Variants in PLEKHM3 observed in about 807,000 individuals in gnomAD.
PLEKHM3 encodes pleckstrin homology domain-containing family M member 3.
In PLEKHM3, 45 loss-of-function variants were observed where a neutral mutation model predicts 81.8. That is an observed-to-expected ratio of 0.55 (90% CI 0.43 to 0.71). The LOEUF (loss-of-function observed/expected upper bound fraction) is 0.71, where lower values mean the gene tolerates loss of function less well. PLEKHM3 is among the 30% of genes least tolerant of loss of function. The pLI is 0.00. For synonymous variants in PLEKHM3, 352 were observed against 356.4 expected, an observed-to-expected ratio of 0.99 and a Z score of 0.14; for missense variants, 788 against 924.3, an observed-to-expected ratio of 0.85 and a Z score of 1.91.
chr2:207,898,479 C>A (rs547212555), intron 6 of PLEKHM3, among the ~76,000 whole-genome samples: 1 of 152,148 alleles, frequency 6.6e-6, no homozygotes, highest in South Asian at 2.1e-4. Flanking sequence ...ATGGACCAGG[C>A]GTGCTGGCTC....
At chr2:207,874,344 G>A (rs1053891037) in intron 6 of PLEKHM3, among the ~76,000 whole-genome samples, 9 of 152,126 alleles carry the variant, frequency 5.9e-5, no homozygotes, top group Non-Finnish European at 8.8e-5. Flanking sequence ...GGAGGCCGAG[G>A]TGGGCGGATC....
At chr2:207,982,022 C>T (rs1273738314) in intron 2 of PLEKHM3, among the ~76,000 whole-genome samples, 1 of 152,150 alleles carries the variant, frequency 6.6e-6, no homozygotes, top group African/African-American at 2.4e-5. Flanking sequence ...CCTTCTCTTC[C>T]TCCTCAGCCT....
Position 207,840,595 on chromosome 2 carries a change from C to T in PLEKHM3, c.2109-12099G>A, listed in dbSNP as rs1027061795. Among the ~76,000 whole-genome samples the T allele has an allele frequency of 1.6e-4, 24 of 152,190 alleles. 2 individuals carry two copies. The highest frequency in any genetic ancestry group is 4.3e-4 in the African/African-American group (18 of 41,518). The stretch of plus-strand genomic sequence containing the variant: ...GCTTTAATTGTAATATGGAGTTGTT[C>T]ATGTAGTTTTTGGCCATTTGCATAT... On this transcript the variant is annotated intron_variant, in intron 7 of 7. Transcript: ENST00000427836.
intron 2 of PLEKHM3, among the ~76,000 whole-genome samples, chr2:207,992,579 T>C (rs893582053): frequency 1.3e-5 from 2 of 152,148 alleles, no homozygotes; most frequent in African/African-American, 4.8e-5. Flanking sequence ...CAACCTTCCA[T>C]GTGTTCATGC....
intron 5 of PLEKHM3, among the ~76,000 whole-genome samples, chr2:207,916,148 G>A (rs1311530453): frequency 6.6e-6 from 1 of 152,154 alleles, no homozygotes; most frequent in Non-Finnish European, 1.5e-5. Flanking sequence ...AATCTCATTG[G>A]CTGAAAAAAT....
At chr2:207,933,785 G>A (rs946758138) in intron 4 of PLEKHM3, among the ~76,000 whole-genome samples, 1 of 152,190 alleles carries the variant, frequency 6.6e-6, no homozygotes, top group Non-Finnish European at 1.5e-5. Flanking sequence ...CAACCATGTC[G>A]GAGGCGCTGC....
intron 6 of PLEKHM3, among the ~76,000 whole-genome samples, chr2:207,894,671 T>A (rs1688164136): frequency 6.6e-6 from 1 of 152,176 alleles, no homozygotes; most frequent in Non-Finnish European, 1.5e-5. Context: ...AATTTAGTGG[T>A]TCAGAGTGTG....
At chr2:207,957,275 A>G (rs1463110818) in intron 3 of PLEKHM3, among the ~76,000 whole-genome samples, 5 of 152,214 alleles carry the variant, frequency 3.3e-5, no homozygotes, top group Non-Finnish European at 7.3e-5. Context: ...TTTGAATTGT[A>G]TATTCTGTTA....
chr2:208,007,551 A>T (rs1166425542), intron 1 of PLEKHM3, among the ~76,000 whole-genome samples: 1 of 152,222 alleles, frequency 6.6e-6, no homozygotes, highest in Non-Finnish European at 1.5e-5. Flanking sequence ...AGCAAACATT[A>T]AATTGCTACA....
chr2:207,960,690 G>A (rs1269632633), intron 3 of PLEKHM3, among the ~76,000 whole-genome samples: 3 of 152,138 alleles, frequency 2.0e-5, no homozygotes, highest in Non-Finnish European at 4.4e-5. Context: ...CATGTTGGTG[G>A]GTGACATTAT....
intron 4 of PLEKHM3, 87 bp downstream of exon 4, chr2:207,946,280 T>C (rs1574431307): frequency 6.9e-7 from 1 of 1,444,618 alleles, no homozygotes; most frequent in African/African-American, 1.4e-5. Context: ...CTGCTTCAAA[T>C]TGTTTGATCA....
chr2:208,022,215 A>T (rs1222576525), intron 1 of PLEKHM3, among the ~76,000 whole-genome samples: 1 of 152,200 alleles, frequency 6.6e-6, no homozygotes, highest in Non-Finnish European at 1.5e-5. Context: ...TTGAAAATTT[A>T]TGTTAATTTG....
intron 3 of PLEKHM3, among the ~76,000 whole-genome samples, chr2:207,964,712 G>C (rs1690855012): frequency 6.6e-6 from 1 of 152,068 alleles, no homozygotes; most frequent in South Asian, 2.1e-4. Context: ...TTTCAGGCTT[G>C]CTCCATTTTT....
intron 3 of PLEKHM3, among the ~76,000 whole-genome samples, chr2:207,957,353 C>T (rs1269276834): frequency 6.6e-6 from 1 of 152,134 alleles, no homozygotes; most frequent in East Asian, 1.9e-4. Context: ...ATTTTTATAA[C>T]CTACTACTTT....
At chr2:207,946,843 C>T (rs1365832313) in intron 3 of PLEKHM3, among the ~76,000 whole-genome samples, 1 of 152,228 alleles carries the variant, frequency 6.6e-6, no homozygotes, top group Non-Finnish European at 1.5e-5. Context: ...CTGCTCAGAA[C>T]TCCATTTCCA....
chr2:207,865,801 A>ATATATAT (rs1192139812), intron 6 of PLEKHM3, among the ~76,000 whole-genome samples: 5 of 25,286 alleles, frequency 2.0e-4, no homozygotes, highest in East Asian at 1.1e-3. Context: ...AAAAAAAAAA[A>ATATATAT]AGATATATAT....
intron 7 of PLEKHM3, among the ~76,000 whole-genome samples, chr2:207,835,486 C>T (rs1047625738): frequency 3.3e-5 from 5 of 151,920 alleles, no homozygotes; most frequent in Non-Finnish European, 7.4e-5. Context: ...ATTTGGGGGC[C>T]GGGGGAGCTA....
chr2:208,000,018 G>A (rs1692243556), intron 2 of PLEKHM3, among the ~76,000 whole-genome samples: 1 of 152,194 alleles, frequency 6.6e-6, no homozygotes, highest in South Asian at 2.1e-4. Flanking sequence ...TTGATAGCCT[G>A]TATAAATGAG....
intron 5 of PLEKHM3, among the ~76,000 whole-genome samples, chr2:207,927,829 CAAAA>C (rs1689453568): frequency 6.6e-6 from 1 of 152,046 alleles, no homozygotes; most frequent in African/African-American, 2.4e-5. Flanking sequence ...AACTCCGTCT[CAAAA>C]AGAAAAGAAA....
Sources: gnomAD v4.1 joint callset for allele counts (sites outside exome capture counted in the v4.1 genomes callset) on GRCh38, gnomAD v4.1.1 for gene constraint, MANE v1.5 for transcripts, NCBI Gene and HGNC (gene_info 2026-07-23, HGNC 2026-07-21) for gene names.